HDAC4: variants seen among roughly 807,000 people sequenced by gnomAD.
HDAC4 encodes the protein histone deacetylase A.
In HDAC4, 16 loss-of-function variants were observed where a neutral mutation model predicts 135.1. That is an observed-to-expected ratio of 0.12 (90% CI 0.08 to 0.18). HDAC4 has a LOEUF of 0.18. Among genes scored for constraint, HDAC4 ranks in the 10% least tolerant of loss-of-function variants. The pLI, the probability that HDAC4 is intolerant of heterozygous loss-of-function variation, is 1.00. For missense variants in HDAC4, 1,143 were observed against 1,511.8 expected (o/e 0.76, Z 4.05); for synonymous variants, 685 against 653.4 (o/e 1.05, Z -0.74).
chr2:239,058,481 G>T (rs1212787317), intron 24 of HDAC4, among the ~76,000 whole-genome samples: 2 of 152,218 alleles, frequency 1.3e-5, no homozygotes, highest in Non-Finnish European at 2.9e-5. Context: ...GGCTTTTGCT[G>T]TTTATAGGAG....
chr2:239,330,033 C>T (rs1691460850), intron 2 of HDAC4, among the ~76,000 whole-genome samples: 3 of 152,254 alleles, frequency 2.0e-5, no homozygotes, highest in Admixed American at 2.0e-4. Context: ...GACGTGGCCC[C>T]TGCCCTCCAA....
intron 2 of HDAC4, among the ~76,000 whole-genome samples, chr2:239,314,857 C>T (rs2053048813): frequency 6.6e-6 from 1 of 152,194 alleles, no homozygotes; most frequent in Non-Finnish European, 1.5e-5. Flanking sequence ...TCCTCTCAAG[C>T]CAAGGGCATT....
intron 22 of HDAC4, among the ~76,000 whole-genome samples, chr2:239,074,241 G>A (rs1445268808): frequency 6.6e-6 from 1 of 152,266 alleles, no homozygotes; most frequent in Non-Finnish European, 1.5e-5. Context: ...TTTTGGTGTG[G>A]ATTTTAAAGC....
In HDAC4 at chr2:239,400,452, G is replaced by A. The variant is rs1696892572; in HGVS notation, c.-220+526C>T. Reference sequence around the variant, plus strand: ...GTGCCCACCCCCGCGCCCCCGCCCCGGCGGGCGAAGCCGCCTCGCGGCGCG... The same window carrying A: ...GTGCCCACCCCCGCGCCCCCGCCCCAGCGGGCGAAGCCGCCTCGCGGCGCG... On this transcript the variant is annotated intron_variant, in intron 1 of 26. Transcript: ENST00000543185. The surrounding 1 kb of genome is among the most constrained non-coding windows in gnomAD (Gnocchi z 4.7). 6.8e-6 allele frequency: 1 copy of A among 146,022 alleles called. No individual in the cohort carries two copies. Among genetic ancestry groups the A allele is most frequent in the Non-Finnish European group, 1.5e-5 (1 of 65,692 alleles). 9.0% of individuals were successfully genotyped at this position (146,022 alleles called of 1,614,324 possible). A position where few individuals can be genotyped will look rare whatever the true frequency, so the allele number is the denominator to read the frequency against.
At chr2:239,156,895 CA>C (rs5839724) in intron 6 of HDAC4, 122 bp from the exon 7 acceptor site, 1 of 1,105,920 alleles carries the variant, frequency 9.0e-7, no homozygotes, top group African/African-American at 1.5e-5. Context: ...TCAACAGACA[CA>C]CCTTTTCCCT....
chr2:239,053,106 C>T lies in HDAC4; in HGVS notation c.3261G>A (p.Pro1087=), dbSNP rs756905519. 1.6e-5 allele frequency: 26 copies of T among 1,614,094 alleles called. No individual in the cohort carries two copies. Among genetic ancestry groups the T allele is most frequent in the Middle Eastern group, 1.6e-4 (1 of 6,084 alleles). The part of the protein sequence containing the change: ...RPDEEPMEEE[P]PL ...CAGCTTCGAGGGAGTGCTACAGGGG[C>T]GGCTCCTCTTCCATGGGCTCCTCAT... The change falls in exon 27 of 27, where the codon CCG becomes CCA. Residue 1087 remains proline, a synonymous_variant. Transcript: ENST00000543185.
At chr2:239,325,525 T>C (rs557192945) in intron 2 of HDAC4, among the ~76,000 whole-genome samples, 1 of 152,338 alleles carries the variant, frequency 6.6e-6, no homozygotes, top group East Asian at 1.9e-4. Context: ...TAAGATACCA[T>C]TCACACTCAC....
In HDAC4 at chr2:239,167,045, T is replaced by C. The variant is rs2043159112; in HGVS notation, c.491-3122A>G. On this transcript the variant is annotated intron_variant, in intron 5 of 26. Coordinates refer to ENST00000543185, the MANE Select transcript of HDAC4 (RefSeq NM_001378414.1). This position sits in a 1 kb window ranked among gnomAD's most constrained non-coding sequence, Gnocchi z 4.1. ...GGATGAGGACCCAGATGGCCAGTTG[T>C]TGGAGGGGACTGCCCTGCAGGTCCC... 6.6e-6 allele frequency among the ~76,000 whole-genome samples: 1 copy of C among 151,666 alleles called. No homozygotes were observed. Among genetic ancestry groups the C allele is most frequent in the African/African-American group, 2.4e-5 (1 of 41,238 alleles).
intron 19 of HDAC4, 145 bp downstream of exon 19, chr2:239,087,414 G>A: frequency 4.0e-6 from 3 of 753,598 alleles, no homozygotes; most frequent in Non-Finnish European, 6.8e-6. Context: ...CCCAGGAGCT[G>A]GAGCCAAGCC....
chr2:239,053,269 C>CATCT, intron 26 of HDAC4, 133 bp from the exon 27 acceptor site: 1 of 1,358,750 alleles, frequency 7.4e-7, no homozygotes, highest in East Asian at 2.3e-5. Flanking sequence ...GCCCCGGGTC[C>CATCT]ATCTGTTCAG....
intron 4 of HDAC4, among the ~76,000 whole-genome samples, chr2:239,180,893 G>A (rs573972580): frequency 4.6e-5 from 7 of 152,318 alleles, no homozygotes; most frequent in African/African-American, 9.6e-5. Context: ...GGTCTTTCCC[G>A]GCCCACCTGG....
chr2:239,381,215 A>C (rs1175458365), intron 1 of HDAC4, among the ~76,000 whole-genome samples: 1 of 152,244 alleles, frequency 6.6e-6, no homozygotes, highest in Non-Finnish European at 1.5e-5. Flanking sequence ...AGCTGCAGTG[A>C]AGACAAATGA....
At chr2:239,081,255 G>A (rs1168078550) in intron 21 of HDAC4, 63 bp from the exon 22 acceptor site, 5 of 1,392,370 alleles carry the variant, frequency 3.6e-6, no homozygotes, top group East Asian at 4.7e-5. Context: ...TGACAGGAAC[G>A]CCTGATGCAG....
At chr2:239,344,462 A>G (rs1692489730) in intron 2 of HDAC4, among the ~76,000 whole-genome samples, 1 of 152,224 alleles carries the variant, frequency 6.6e-6, no homozygotes, top group South Asian at 2.1e-4. Context: ...CTCCATTGAC[A>G]GCGAATTTTC....
intron 8 of HDAC4, among the ~76,000 whole-genome samples, chr2:239,143,516 T>C (rs2041545044): frequency 6.6e-6 from 1 of 152,194 alleles, no homozygotes; most frequent in African/African-American, 2.4e-5. Context: ...AAATGACACA[T>C]ATGGAGTTCC....
intron 22 of HDAC4, among the ~76,000 whole-genome samples, chr2:239,078,761 G>C (rs2035016784): frequency 6.6e-6 from 1 of 152,268 alleles, no homozygotes; most frequent in South Asian, 2.1e-4. Context: ...GCCTGGGCTT[G>C]CCCGCCAGCA....
intron 2 of HDAC4, among the ~76,000 whole-genome samples, chr2:239,288,600 G>T (rs532326628): frequency 5.3e-5 from 8 of 151,742 alleles, no homozygotes; most frequent in African/African-American, 1.9e-4. Context: ...TAAGATGATT[G>T]GATATAAAAA....
chr2:239,205,825 G>T (rs1377937409), intron 3 of HDAC4, among the ~76,000 whole-genome samples: 1 of 152,106 alleles, frequency 6.6e-6, no homozygotes, highest in African/African-American at 2.4e-5. Context: ...GAATGGGGAA[G>T]GGGTGCTCAG....
In HDAC4 at chr2:239,285,138, G is replaced by A. The variant is rs2051061746; in HGVS notation, c.23-48474C>T. Among the ~76,000 whole-genome samples, 1 of 152,166 alleles carries A rather than the reference G, an allele frequency of 6.6e-6. No individual in the cohort carries two copies. Among genetic ancestry groups the A allele is most frequent in the Non-Finnish European group, 1.5e-5 (1 of 68,018 alleles). ...GGCAACCTGGAAGGCCAGGTTCAAA[G>A]TTCAAAGTTCAAAGACTGCAGATGG... On this transcript the variant is annotated intron_variant, in intron 2 of 26. Coordinates refer to ENST00000543185, the MANE Select transcript of HDAC4 (RefSeq NM_001378414.1). The surrounding 1 kb of genome is among the most constrained non-coding windows in gnomAD (Gnocchi z 4.5).
Sources: gnomAD v4.1 joint callset for allele counts (sites outside exome capture counted in the v4.1 genomes callset) on GRCh38, gnomAD v4.1.1 for gene constraint, Gnocchi (gnomAD v3.1) non-coding constraint, MANE v1.5 for transcripts, NCBI Gene and HGNC (gene_info 2026-07-23, HGNC 2026-07-21) for gene names.